PASK: variants seen among roughly 807,000 people sequenced by gnomAD.
PASK encodes the protein PAS domain containing serine/threonine kinase.
In PASK, 110 loss-of-function variants were observed where a neutral mutation model predicts 121.0. The ratio of observed to expected loss-of-function variants is 0.91; its 90% confidence interval spans 0.78 to 1.06. PASK has a LOEUF of 1.06. Among genes scored for constraint, PASK ranks in the 50% least tolerant of loss-of-function variants. The probability of loss-of-function intolerance (pLI) is 0.00; values close to 1 mark genes in which losing one functional copy is unlikely to be tolerated. For synonymous variants in PASK, 686 were observed against 717.8 expected (o/e 0.96, Z 0.71); for missense variants, 1,643 against 1,702.3 (o/e 0.97, Z 0.61).
chr2:241,125,943 A>AG (rs2065839158), intron 10 of PASK, among the ~76,000 whole-genome samples: 1 of 152,030 alleles, frequency 6.6e-6, no homozygotes. Flanking sequence ...GGCCTGAGTC[A>AG]GGGGGCACAG....
chr2:241,116,574 T>TA (rs1422497058), intron 12 of PASK, among the ~76,000 whole-genome samples: 1 of 152,232 alleles, frequency 6.6e-6, no homozygotes, highest in Non-Finnish European at 1.5e-5. Context: ...CTATCACTCT[T>TA]AGACATGTTT....
At position 241,118,903 on chromosome 2, in the gene PASK, C is replaced by A. The variant is rs562662781; in HGVS notation, c.3073-3490G>T. On this transcript the variant is annotated intron_variant, in intron 12 of 17. Transcript: ENST00000234040. ...CTCCTGGACCCGCAGCAGCTGGCTGCCGAGATCTTCTCATACAAGTCCCAG... is the reference window on the plus strand; with the variant it reads ...CTCCTGGACCCGCAGCAGCTGGCTGACGAGATCTTCTCATACAAGTCCCAG... 686 of 1,030,376 alleles carry A rather than the reference C, an allele frequency of 6.7e-4. 1 individual carries two copies. Among genetic ancestry groups the A allele is most frequent in the South Asian group, 3.4e-3 (80 of 23,310 alleles). 63.8% of individuals were successfully genotyped at this position (1,030,376 alleles called of 1,614,324 possible). A position where few individuals can be genotyped will look rare whatever the true frequency, so the allele number is the denominator to read the frequency against.
upstream of PASK, chr2:241,149,886 G>A: frequency 6.9e-7 from 1 of 1,446,792 alleles, no homozygotes; most frequent in Non-Finnish European, 9.0e-7. Context: ...CAGCTGGCTA[G>A]CGGCCCCACC....
At chr2:241,149,370 A>G in intron 1 of PASK, 44 bp downstream of exon 1, 1 of 375,748 alleles carries the variant, frequency 2.7e-6, no homozygotes, top group Non-Finnish European at 4.9e-6. Context: ...CGCCCTGGGG[A>G]GATGGCGGAG....
At chr2:241,110,865 AC>A (rs1559354826) in intron 15 of PASK, among the ~76,000 whole-genome samples, 2 of 151,948 alleles carry the variant, frequency 1.3e-5, no homozygotes, top group Non-Finnish European at 2.9e-5. Context: ...TCTTAGACCA[AC>A]CCCCTTCGAT....
chr2:241,116,329 G>C (rs1295461844), intron 12 of PASK, among the ~76,000 whole-genome samples: 1 of 152,240 alleles, frequency 6.6e-6, no homozygotes, highest in Non-Finnish European at 1.5e-5. Context: ...GTCAGCAGCT[G>C]ACCAGAAATG....
Position 241,115,173 on chromosome 2 carries a change from A to G in PASK, c.3203T>C (p.Leu1068Ser). Reference protein sequence around the residue: ...RVEHANIIKVLDIFENQGFFQ... With the variant: ...RVEHANIIKVSDIFENQGFFQ... ...GAACCCTTGGTTTTCAAATATATCC[A>G]ATACCTAGGAAGAGACAAAGCCAAG... is the stretch of plus-strand genomic sequence containing the variant. The change falls in exon 14 of 18, where the codon TTG becomes TCG. Residue 1068 changes from leucine to serine, a missense_variant. By Grantham distance (145) the Leu-to-Ser change is moderately radical. Coordinates refer to ENST00000234040, the MANE Select transcript of PASK (RefSeq NM_015148.4). 4.3e-6 allele frequency: 7 copies of G among 1,614,046 alleles called. No individual in the cohort carries two copies. Among genetic ancestry groups the G allele is most frequent in the Non-Finnish European group, 5.9e-6 (7 of 1,179,956 alleles).
Position 241,126,176 on chromosome 2 carries a change from C to G in PASK, c.2719+20G>C. Reference sequence around the variant, plus strand: ...TGCTCTGGGAGCACCACACTTCTTCCTATGGGGCCCGGGACATACTCAGCC... The same window carrying G: ...TGCTCTGGGAGCACCACACTTCTTCGTATGGGGCCCGGGACATACTCAGCC... On this transcript the variant is annotated intron_variant, in intron 10 of 17. Coordinates refer to ENST00000234040, the MANE Select transcript of PASK (RefSeq NM_015148.4). 1.2e-6 allele frequency: 2 copies of G among 1,612,918 alleles called. No individual in the cohort carries two copies. Among genetic ancestry groups the G allele is most frequent in the Middle Eastern group, 1.7e-4 (1 of 6,024 alleles).
In PASK at chr2:241,140,525, G is replaced by C. The variant is rs1415197969; in HGVS notation, c.425C>G (p.Thr142Arg). ...KAIFTVDAKTTEILVANDKAC... is the reference protein window; with the variant it reads ...KAIFTVDAKTREILVANDKAC... ...ATCTAAAAGAGAAGCAAATACCTCT[G>C]TGGTCTTGGCATCCACCGTGAAGAT... Residue 142 changes from threonine to arginine, a missense_variant, in exon 3 of 18, where the codon ACA becomes AGA. This residue lies in a region of PASK where 1,176 missense variants were observed against 1,162.2 expected (regional missense o/e 1.01). Transcript: ENST00000234040. The C allele has an allele frequency of 4.4e-6, 7 of 1,603,970 alleles. No homozygotes were observed. The South Asian group carries it at 5.5e-5, about 13-fold the overall frequency.
intron 12 of PASK, among the ~76,000 whole-genome samples, chr2:241,116,886 T>C (rs2065395410): frequency 6.6e-6 from 1 of 152,106 alleles, no homozygotes; most frequent in Non-Finnish European, 1.5e-5. Flanking sequence ...CAAGGAACGA[T>C]GAGTGCCAAG....
At chr2:241,106,840 C>T in intron 17 of PASK, 117 bp from the exon 18 acceptor site, 1 of 1,009,834 alleles carries the variant, frequency 9.9e-7, no homozygotes, top group Non-Finnish European at 1.5e-6. Flanking sequence ...CTCAGAAATC[C>T]AACTGGCAAT....
upstream of PASK, chr2:241,149,604 G>T: frequency 3.0e-5 from 45 of 1,512,288 alleles, no homozygotes; most frequent in Non-Finnish European, 4.0e-5. Context: ...TGCTAGGGAC[G>T]CACCAAACAC....
At position 241,132,649 on chromosome 2, in the gene PASK, C is replaced by G. The variant is rs566088259; in HGVS notation, c.1463+225G>C. ...CTGTTTCCTTATCCCTACAGTGAGA[C>G]AGTAACACCATGGTGCCCTCCCATA... On this transcript the variant is annotated intron_variant, in intron 9 of 17. Coordinates refer to ENST00000234040, the MANE Select transcript of PASK (RefSeq NM_015148.4). Among the ~76,000 whole-genome samples, 3 of 151,480 alleles carry G rather than the reference C, an allele frequency of 2.0e-5. 1 individual carries two copies. In the East Asian group the frequency reaches 5.9e-4, roughly 30 times the overall value.
At chr2:241,135,074 C>T (rs942675609) in intron 8 of PASK, among the ~76,000 whole-genome samples, 1 of 152,228 alleles carries the variant, frequency 6.6e-6, no homozygotes, top group African/African-American at 2.4e-5. Context: ...TTCTACTGCC[C>T]CTCATTGCTC....
In PASK at chr2:241,112,453, G is replaced by GC; in HGVS notation, c.3334-15dup. The GC allele has an allele frequency of 6.3e-7, 1 of 1,579,582 alleles. No individual in the cohort carries two copies. Among genetic ancestry groups the GC allele is most frequent in the East Asian group, 2.2e-5 (1 of 44,676 alleles). The stretch of plus-strand genomic sequence containing the variant: ...TGCTGACACTAGCTGGAATCAGGAG[G>GC]CCAGAGGGGGCTTTTTAAAAAAGCA... On this transcript the variant is annotated splice_polypyrimidine_tract_variant and intron_variant, in intron 14 of 17. Transcript: ENST00000234040. This position sits in a 1 kb window ranked among gnomAD's most constrained non-coding sequence, Gnocchi z 5.2.
At chr2:241,149,528 G>A, upstream of PASK, 1 of 868,390 alleles carries the variant, frequency 1.2e-6, no homozygotes, top group East Asian at 2.7e-5. Context: ...CAAGCTCCAC[G>A]GACCAGCCAC....
chr2:241,127,120 CCTTGGCCTGGGG>C lies in PASK; in HGVS notation c.1783_1794del (p.Pro595_Lys598del). 6.2e-7 allele frequency: 1 copy of C among 1,614,092 alleles called. No homozygotes were observed. The highest frequency in any genetic ancestry group is 8.5e-7 in the Non-Finnish European group (1 of 1,180,012). On this transcript the variant is annotated inframe_deletion, in exon 10 of 18. Transcript: ENST00000234040. The stretch of plus-strand genomic sequence containing the variant: ...AGGAGGCTGCCCCCCGCCAGCTGAC[CCTTGGCCTGGGG>C]CTTGGCCACGGCAGCCCCAGCCCAA...
Position 241,124,025 on chromosome 2 carries a change from G to A in PASK, c.2828C>T (p.Thr943Ile). 1 of 1,613,874 alleles carries A rather than the reference G, an allele frequency of 6.2e-7. No individual in the cohort carries two copies. Among genetic ancestry groups the A allele is most frequent in the East Asian group, 2.2e-5 (1 of 44,864 alleles). The part of the protein sequence containing the change: ...LHSQRDSAAR[T>I]RLFLASLPGS... ...GGGCAGGCTGGCAAGGAACAGGCGGGTCCTGGCGGCTGAGTCGCGTTGGCT... is the reference window on the plus strand; with the variant it reads ...GGGCAGGCTGGCAAGGAACAGGCGGATCCTGGCGGCTGAGTCGCGTTGGCT... Residue 943 changes from threonine to isoleucine, a missense_variant, in exon 11 of 18, where the codon ACC (threonine) becomes ATC (isoleucine). Thr to Ile is a moderately conservative substitution (Grantham distance 89). Coordinates refer to ENST00000234040, the MANE Select transcript of PASK (RefSeq NM_015148.4).
At chr2:241,140,358 A>G (rs1202264140) in intron 3 of PASK, among the ~76,000 whole-genome samples, 163 bp downstream of exon 3, 1 of 152,040 alleles carries the variant, frequency 6.6e-6, no homozygotes, top group Non-Finnish European at 1.5e-5. Context: ...GGATCTTGCT[A>G]TGTTGCCCAG....
Sources: allele counts gnomAD v4.1 joint callset (sites outside exome capture counted in the v4.1 genomes callset), GRCh38; gene constraint gnomAD v4.1.1; regional missense constraint gnomAD v4.1.1; non-coding constraint Gnocchi (gnomAD v3.1); transcripts MANE v1.5; gene names NCBI Gene and HGNC (gene_info 2026-07-23, HGNC 2026-07-21).